SLC2A7: variants seen among roughly 807,000 people sequenced by gnomAD.
SLC2A7 encodes solute carrier family 2 member 7, also known as solute carrier family 2, facilitated glucose transporter member 7.
Under a neutral mutation model 50.5 loss-of-function variants are expected in SLC2A7, and 50 were observed. The ratio of observed to expected loss-of-function variants is 0.99; its 90% confidence interval spans 0.79 to 1.25. The LOEUF (loss-of-function observed/expected upper bound fraction) is 1.25. Ranked by LOEUF, SLC2A7 falls within the 50% of genes most tolerant of loss-of-function variation. SLC2A7 has a pLI of 0.00. For synonymous variants in SLC2A7, 308 were observed against 300.4 expected, an observed-to-expected ratio of 1.03 and a Z score of -0.26; for missense variants, 683 against 679.1, an observed-to-expected ratio of 1.01 and a Z score of -0.06.
Position 9,004,769 on chromosome 1 carries a change from G to A in SLC2A7, c.1303C>T (p.Leu435=). The A allele has an allele frequency of 6.2e-7, 1 of 1,614,096 alleles. No individual in the cohort carries two copies. Among genetic ancestry groups the A allele is most frequent in the East Asian group, 2.2e-5 (1 of 44,876 alleles). ...HWLTNFIIGF[L]FPSIQEAIGA... ...TCACTCACCTGGATGGATGGGAACA[G>A]GAAGCCTATGATGAAGTTGGTGAGC... Residue 435 remains leucine (L), a synonymous_variant, in exon 11 of 12, where the codon CTG becomes TTG. Transcript: ENST00000400906.
In SLC2A7 at chr1:9,004,828, C is replaced by A; in HGVS notation, c.1244G>T (p.Arg415Leu). The change falls in exon 11 of 12, where the codon CGG (arginine) becomes CTG (leucine). Residue 415 changes from arginine to leucine, a missense_variant. Arg to Leu is a moderately radical substitution (Grantham distance 102, BLOSUM62 -2). Transcript: ENST00000400906. The stretch of plus-strand genomic sequence containing the variant: ...TGCCCCGTCCACCATGAAAGCTGCC[C>A]GCCGGGAGGACTGCAGGAAGATCTC... Reference protein sequence around the residue: ...RTEIFLQSSRRAAFMVDGAVH... With the variant: ...RTEIFLQSSRLAAFMVDGAVH... 1 of 1,614,096 alleles carries A rather than the reference C, an allele frequency of 6.2e-7. No homozygotes were observed. The highest frequency in any genetic ancestry group is 1.3e-5 in the African/African-American group (1 of 75,050).
intron 6 of SLC2A7, 75 bp downstream of exon 6, chr1:9,015,042 A>G: frequency 1.3e-6 from 2 of 1,588,518 alleles, no homozygotes; most frequent in East Asian, 4.5e-5. Context: ...GGCGACCCTG[A>G]CTGTGGCCCT....
At chr1:8,998,663 C>A (rs1038045659), downstream of SLC2A7, among the ~76,000 whole-genome samples, 1 of 152,090 alleles carries the variant, frequency 6.6e-6, no homozygotes, top group Non-Finnish European at 1.5e-5. Context: ...ATTTCTAACC[C>A]CATCCTCCAC....
chr1:8,997,075 G>A, the SLC2A7 span, among the ~76,000 whole-genome samples: 1 of 152,122 alleles, frequency 6.6e-6, no homozygotes, highest in African/African-American at 2.4e-5. Context: ...ACTGCACCCG[G>A]CCAATGTTGA....
At chr1:8,998,196 G>T (rs1365436517), downstream of SLC2A7, among the ~76,000 whole-genome samples, 4 of 152,248 alleles carry the variant, frequency 2.6e-5, 1 homozygote, top group African/African-American at 9.6e-5. Flanking sequence ...TTGAGGTCAG[G>T]AGTTCAAGAC....
At chr1:9,019,721 C>T (rs542793404) in intron 3 of SLC2A7, among the ~76,000 whole-genome samples, 3 of 152,116 alleles carry the variant, frequency 2.0e-5, no homozygotes, top group African/African-American at 7.2e-5. Flanking sequence ...GTCTGGAGTT[C>T]GAGACCAGCC....
Position 9,003,476 on chromosome 1 carries a change from A to G in SLC2A7, c.1363T>C (p.Cys455Arg), listed in dbSNP as rs1557645191. ...TAGATGTAAATCGCAGTGAGGAGGC[A>G]GATTCCGGCAAAGATGATGAAACTG... ...AYSFIIFAGI[C>R]LLTAIYIYVV... The change falls in exon 12 of 12, where the codon TGC (cysteine) becomes CGC (arginine). Residue 455 changes from cysteine (C) to arginine (R), a missense_variant. By Grantham distance (180) the Cys-to-Arg change is radical. Transcript: ENST00000400906. 1.2e-6 allele frequency: 2 copies of G among 1,614,242 alleles called. No homozygotes were observed. Among genetic ancestry groups the G allele is most frequent in the East Asian group, 2.2e-5 (1 of 44,894 alleles).
chr1:9,000,800 G>T (rs1640563791), downstream of SLC2A7, among the ~76,000 whole-genome samples: 1 of 143,506 alleles, frequency 7.0e-6, no homozygotes. Flanking sequence ...GTCTCCCCCT[G>T]CCCCATCACC....
chr1:8,996,787 A>AT, the SLC2A7 span, among the ~76,000 whole-genome samples: 48 of 146,352 alleles, frequency 3.3e-4, no homozygotes, highest in East Asian at 1.8e-3. Flanking sequence ...AATGTTGAGC[A>AT]TTTTTTTTTT....
downstream of SLC2A7, among the ~76,000 whole-genome samples, chr1:9,002,598 C>A (rs1324429749): frequency 1.3e-5 from 2 of 152,192 alleles, no homozygotes; most frequent in Non-Finnish European, 2.9e-5. Flanking sequence ...CCTGCCACAT[C>A]CCCCTCACCA....
At chr1:9,004,542 A>G (rs1640624115) in intron 11 of SLC2A7, among the ~76,000 whole-genome samples, 1 of 143,698 alleles carries the variant, frequency 7.0e-6, no homozygotes. Context: ...GCCCTTTACA[A>G]TGTCAGCAGG....
chr1:9,025,196 C>A (rs944668595), intron 1 of SLC2A7, 122 bp from the exon 2 acceptor site: 2 of 1,014,946 alleles, frequency 2.0e-6, no homozygotes, highest in African/African-American at 3.2e-5. Flanking sequence ...CCAGGCCGTG[C>A]CCCCGGAAAA....
chr1:9,003,390 C>G lies in SLC2A7; in HGVS notation c.1449G>C (p.Lys483Asn), dbSNP rs897046951. 1 of 1,614,082 alleles carries G rather than the reference C, an allele frequency of 6.2e-7. No homozygotes were observed. The highest frequency in any genetic ancestry group is 1.3e-5 in the African/African-American group (1 of 74,928). ...TFVEINRIFAKRNRVKLPEEK... is the reference protein window; with the variant it reads ...TFVEINRIFANRNRVKLPEEK... ...CCTCTGGAAGCTTCACCCTGTTTCT[C>G]TTGGCAAAAATGCGGTTTATCTCCA... Residue 483 changes from lysine (K) to asparagine (N), a missense_variant, in exon 12 of 12, where the codon AAG (lysine) becomes AAC (asparagine). By Grantham distance (94) the Lys-to-Asn change is moderately conservative. Coordinates refer to ENST00000400906, the MANE Select transcript of SLC2A7 (RefSeq NM_207420.3).
the SLC2A7 span, among the ~76,000 whole-genome samples, chr1:8,993,198 T>C: frequency 6.6e-6 from 1 of 152,330 alleles, no homozygotes; most frequent in Admixed American, 6.5e-5. Flanking sequence ...ACTCCTCTTT[T>C]GAAAACCATC....
chr1:9,011,214 A>G (rs1212498824), intron 8 of SLC2A7, among the ~76,000 whole-genome samples: 1 of 151,982 alleles, frequency 6.6e-6, no homozygotes, highest in Non-Finnish European at 1.5e-5. Flanking sequence ...TTCCTGACCA[A>G]CCCTGGGGCT....
At chr1:9,010,075 G>C in intron 9 of SLC2A7, 68 bp downstream of exon 9, 4 of 1,450,292 alleles carry the variant, frequency 2.8e-6, no homozygotes, top group Non-Finnish European at 3.8e-6. Flanking sequence ...CAGCGGGCCC[G>C]GTTCAGTCAG....
At chr1:9,007,609 G>A (rs1640674573) in intron 9 of SLC2A7, among the ~76,000 whole-genome samples, 1 of 152,234 alleles carries the variant, frequency 6.6e-6, no homozygotes, top group African/African-American at 2.4e-5. Flanking sequence ...GAGCGTCATG[G>A]AGAACGAGGG....
chr1:9,025,930 C>T (rs747003018), intron 1 of SLC2A7, among the ~76,000 whole-genome samples: 19 of 152,180 alleles, frequency 1.2e-4, no homozygotes, highest in Non-Finnish European at 2.5e-4. Context: ...GCCCACAGCC[C>T]GTAGCTCTGC....
intron 5 of SLC2A7, among the ~76,000 whole-genome samples, chr1:9,017,668 T>G (rs1215008593): frequency 6.6e-6 from 1 of 152,236 alleles, no homozygotes; most frequent in Non-Finnish European, 1.5e-5. Context: ...TTTGCATGCC[T>G]TTTCTATTAA....
Sources: gnomAD v4.1 joint callset for allele counts (sites outside exome capture counted in the v4.1 genomes callset) on GRCh38, gnomAD v4.1.1 for gene constraint, MANE v1.5 for transcripts, NCBI Gene and HGNC (gene_info 2026-07-23, HGNC 2026-07-21) for gene names.